Variants in GNE observed in about 807,000 individuals in gnomAD.
The protein encoded by GNE is glucosamine (UDP-N-acetyl)-2-epimerase/N-acetylmannosamine kinase.
A neutral mutation model predicts 61.8 loss-of-function variants in GNE; 41 were observed. The observed-to-expected ratio is 0.66, with a 90% confidence interval of 0.52 to 0.86. GNE has a LOEUF of 0.86. GNE is among the 40% of genes least tolerant of loss of function. The probability of loss-of-function intolerance (pLI) is 0.00; values close to 1 mark genes in which losing one functional copy is unlikely to be tolerated. For missense variants in GNE, 608 were observed against 909.1 expected (o/e 0.67, Z 4.26); for synonymous variants, 264 against 326.4 (o/e 0.81, Z 2.06).
chr9:36,255,931 G>GT (rs1563953674), intron 1 of GNE, among the ~76,000 whole-genome samples: 1 of 152,044 alleles, frequency 6.6e-6, no homozygotes, highest in African/African-American at 2.4e-5. Flanking sequence ...ATTCTTGTTT[G>GT]TTTTTGTTTT....
chr9:36,214,654 C>T lies in GNE; in HGVS notation c.*2711G>A, dbSNP rs186443315. 6.6e-6 allele frequency: 1 copy of T among 152,264 alleles called. No individual in the cohort carries two copies. The highest frequency in any genetic ancestry group is 1.5e-5 in the Non-Finnish European group (1 of 68,026). 9.4% of individuals were successfully genotyped at this position (152,264 alleles called of 1,614,324 possible). ...AAATATTTGGTATGAAACTTGGTAG[C>T]AATGCAATTGTCTGATGTACAGAGC... On this transcript the variant is annotated 3_prime_UTR_variant, in exon 12 of 12. Transcript: ENST00000642385.
Position 36,216,165 on chromosome 9 carries a change from T to C in GNE, c.*1200A>G. On this transcript the variant is annotated 3_prime_UTR_variant, in exon 12 of 12. Coordinates refer to ENST00000642385, the MANE Select transcript of GNE (RefSeq NM_005476.7). The stretch of plus-strand genomic sequence containing the variant: ...TCCAGTGTCTTGATTGTGGTGATGC[T>C]TTCACAGGTATACATATGTCAAGGC... 3 of 390,792 alleles carry C rather than the reference T, an allele frequency of 7.7e-6. No individual in the cohort carries two copies. The highest frequency in any genetic ancestry group is 1.6e-5 in the Non-Finnish European group (3 of 186,774). The allele number at this position is 390,792 out of a possible 1,614,324, so 24.2% of individuals were successfully genotyped here.
At chr9:36,274,462 T>G (rs1259460077) in intron 1 of GNE, among the ~76,000 whole-genome samples, 1 of 152,096 alleles carries the variant, frequency 6.6e-6, no homozygotes, top group Non-Finnish European at 1.5e-5. Flanking sequence ...CAACTGCCCA[T>G]GTACCTAGTC....
At chr9:36,264,850 A>C (rs994133543) in intron 1 of GNE, 1 of 156,882 alleles carries the variant, frequency 6.4e-6, no homozygotes. Flanking sequence ...AATGATCAGG[A>C]TATAAAGCCA....
chr9:36,249,633 C>G (rs1298449698), intron 1 of GNE, among the ~76,000 whole-genome samples: 1 of 152,014 alleles, frequency 6.6e-6, no homozygotes, highest in East Asian at 1.9e-4. Flanking sequence ...AATCCCAGCA[C>G]TTTGGGAGGC....
In GNE at chr9:36,216,344, T is replaced by TGTGTGTGTGTGTGTGTGTGTGTGG; in HGVS notation, c.*1020_*1021insCCACACACACACACACACACACAC. ...GAGGAAGGATGTGTGTGTGTGTGTG[T>TGTGTGTGTGTGTGTGTGTGTGTGG]GTGTGTGTGTAGACGGAGTCTCGCT... On this transcript the variant is annotated 3_prime_UTR_variant, in exon 12 of 12. Coordinates refer to ENST00000642385, the MANE Select transcript of GNE (RefSeq NM_005476.7). 2.8e-6 allele frequency: 1 copy of TGTGTGTGTGTGTGTGTGTGTGTGG among 360,274 alleles called. No individual in the cohort carries two copies. Among genetic ancestry groups the TGTGTGTGTGTGTGTGTGTGTGTGG allele is most frequent in the Non-Finnish European group, 5.6e-6 (1 of 179,288 alleles). The allele number at this position is 360,274 out of a possible 1,614,324, so 22.3% of individuals were successfully genotyped here.
intron 1 of GNE, among the ~76,000 whole-genome samples, chr9:36,252,460 CAAAGAACAGTAAATGT>C: frequency 6.6e-6 from 1 of 152,162 alleles, no homozygotes; most frequent in Admixed American, 6.6e-5. Flanking sequence ...ATTTATTTTA[CAAAGAACAGTAAATGT>C]TCCATCTGGC....
Position 36,216,228 on chromosome 9 carries a change from T to C in GNE, c.*1137A>G, listed in dbSNP as rs1013792531. 1 of 453,066 alleles carries C rather than the reference T, an allele frequency of 2.2e-6. No homozygotes were observed. Among genetic ancestry groups the C allele is most frequent in the Non-Finnish European group, 4.5e-6 (1 of 224,630 alleles). 28.1% of individuals were successfully genotyped at this position (453,066 alleles called of 1,614,324 possible). A position where few individuals can be genotyped will look rare whatever the true frequency, so the allele number is the denominator to read the frequency against. On this transcript the variant is annotated 3_prime_UTR_variant, in exon 12 of 12. Transcript: ENST00000642385. ...AGGCTTTAAAAACAATAAAGCTGTT[T>C]TAAAAAAAAGTGTACTTAAGCCCTT...
chr9:36,270,516 CTTTTT>C (rs1172459956), intron 1 of GNE, among the ~76,000 whole-genome samples: 25 of 131,678 alleles, frequency 1.9e-4, no homozygotes, highest in Non-Finnish European at 3.4e-4. Context: ...GGATTTCTTT[CTTTTT>C]TTTTTTTTTT....
At position 36,271,036 on chromosome 9, in the gene GNE, A is replaced by T. The variant is rs185804290; in HGVS notation, c.51+5858T>A. ...AAAAGGCTGCTTTCATCTCGTTAAG[A>T]CTTTAAGAAAAACTTCAGTGGTCCC... On this transcript the variant is annotated intron_variant, in intron 1 of 11. Transcript: ENST00000396594. 7.0e-3 allele frequency among the ~76,000 whole-genome samples: 1,066 copies of T among 152,246 alleles called. 12 individuals carry two copies. The highest frequency in any genetic ancestry group is 0.023 in the African/African-American group (976 of 41,544).
At chr9:36,222,734 A>G (rs1159969457) in intron 9 of GNE, 43 bp downstream of exon 9, 1 of 1,262,322 alleles carries the variant, frequency 7.9e-7, no homozygotes, top group Admixed American at 1.7e-5. Context: ...ATGCTCCAAT[A>G]TACATTCTAG....
chr9:36,235,653 T>C (rs1829360994), intron 4 of GNE, among the ~76,000 whole-genome samples: 1 of 152,218 alleles, frequency 6.6e-6, no homozygotes, highest in Non-Finnish European at 1.5e-5. Context: ...ATTAACATTT[T>C]TGAAATATTG....
chr9:36,257,750 C>T (rs1286306068), intron 1 of GNE, among the ~76,000 whole-genome samples: 1 of 130,398 alleles, frequency 7.7e-6, no homozygotes. Flanking sequence ...TTGCAGTGAG[C>T]CGAGATCGCG....
intron 10 of GNE, among the ~76,000 whole-genome samples, chr9:36,219,245 C>T (rs1434950839): frequency 2.0e-5 from 3 of 152,066 alleles, no homozygotes; most frequent in African/African-American, 4.8e-5. Flanking sequence ...CTTTTTGCTT[C>T]CTGTCCCATA....
At chr9:36,266,612 A>G (rs1033596589) in intron 1 of GNE, among the ~76,000 whole-genome samples, 1 of 152,152 alleles carries the variant, frequency 6.6e-6, no homozygotes, top group Non-Finnish European at 1.5e-5. Context: ...CGTCTCTACT[A>G]AAAATACAAA....
chr9:36,271,717 C>A (rs368669657), intron 1 of GNE, among the ~76,000 whole-genome samples: 10 of 152,220 alleles, frequency 6.6e-5, no homozygotes, highest in African/African-American at 2.2e-4. Flanking sequence ...TACCTGGTAT[C>A]TTTGAATGTA....
upstream of GNE, among the ~76,000 whole-genome samples, chr9:36,259,057 G>A (rs73648730): frequency 0.017 from 2,559 of 152,264 alleles, 78 homozygotes; most frequent in African/African-American, 0.058. Context: ...AAGGGCTTGC[G>A]CAGCTCCTGA....
In GNE at chr9:36,222,793, TG is replaced by T; in HGVS notation, c.1616del (p.Thr539AsnfsTer18). ...CCCTCTTACCTGTGCCTGTGATAAG[TG>T]TAACAAAGTTTTCCAGTCCCTTTCC... ...GQGKGLENFV[T>X]LITGTGIGGG... is the part of the protein sequence containing the mutation. On this transcript the variant is annotated frameshift_variant, in exon 9 of 12. Coordinates refer to ENST00000642385, the MANE Select transcript of GNE (RefSeq NM_005476.7). LOFTEE classifies it high-confidence loss of function. The T allele has an allele frequency of 6.2e-7, 1 of 1,612,952 alleles. No homozygotes were observed. Among genetic ancestry groups the T allele is most frequent in the East Asian group, 2.2e-5 (1 of 44,890 alleles).
intron 1 of GNE, among the ~76,000 whole-genome samples, chr9:36,250,241 A>G (rs556855709): frequency 1.1e-3 from 167 of 152,254 alleles, no homozygotes; most frequent in African/African-American, 3.6e-3. Flanking sequence ...TACACTTCCT[A>G]AATACAAGGT....
Sources: allele counts gnomAD v4.1 joint callset (sites outside exome capture counted in the v4.1 genomes callset), GRCh38; gene constraint gnomAD v4.1.1; transcripts MANE v1.5; gene names NCBI Gene and HGNC (gene_info 2026-07-23, HGNC 2026-07-21).